TACC3: variants seen among roughly 807,000 people sequenced by gnomAD.
TACC3 encodes transforming acidic coiled-coil-containing protein 3.
In TACC3, 52 loss-of-function variants were observed where a neutral mutation model predicts 86.0. That is an observed-to-expected ratio of 0.60 (90% CI 0.48 to 0.76). TACC3 has a LOEUF of 0.76. Ranked by LOEUF, TACC3 falls within the 30% of genes least tolerant of loss-of-function variation. The probability of loss-of-function intolerance (pLI) is 0.00; values close to 1 mark genes in which losing one functional copy is unlikely to be tolerated. For missense variants in TACC3, 1,120 were observed against 1,070.4 expected, an observed-to-expected ratio of 1.05 and a Z score of -0.65; for synonymous variants, 512 against 430.0, an observed-to-expected ratio of 1.19 and a Z score of -2.36.
intron 3 of TACC3, among the ~76,000 whole-genome samples, chr4:1,727,486 G>A (rs192866144): frequency 6.8e-4 from 104 of 152,304 alleles, no homozygotes; most frequent in African/African-American, 2.3e-3. Flanking sequence ...AGGAAGTCAC[G>A]TGGTTGTGTC....
chr4:1,740,022 A>AGGCCACGTGCCTCCAC lies in TACC3; in HGVS notation c.2062+22_2062+37dup. 6.2e-7 allele frequency: 1 copy of AGGCCACGTGCCTCCAC among 1,612,682 alleles called. No homozygotes were observed. The highest frequency in any genetic ancestry group is 8.5e-7 in the Non-Finnish European group (1 of 1,179,848). On this transcript the variant is annotated intron_variant, in intron 12 of 15. Transcript: ENST00000313288. ...CCATGGGTGAGTGCCCGGGCCACCG[A>AGGCCACGTGCCTCCAC]GGCCACGTGCCTCCACGAGGGGCTG...
Position 1,731,331 on chromosome 4 carries a change from A to G in TACC3, c.1591+30A>G, listed in dbSNP as rs755349345. 11 of 1,610,444 alleles carry G rather than the reference A, an allele frequency of 6.8e-6. No individual in the cohort carries two copies. The South Asian group carries it at 1.1e-4, about 16-fold the overall frequency. On this transcript the variant is annotated intron_variant, in intron 6 of 15. Transcript: ENST00000313288. ...GTTGCCTGGCACAGACGTCACACAC[A>G]GTCTGCCCGGAGGGGATCCCGTGAG...
chr4:1,744,851 G>A lies in TACC3; in HGVS notation c.2451+19G>A. On this transcript the variant is annotated intron_variant, in intron 15 of 15. Transcript: ENST00000313288. ...GCAGAAGGTGGGTGCGGGAAGCCCA[G>A]CTCAAGGGGCCGTCTGGCAGCACCT... 1 of 1,612,922 alleles carries A rather than the reference G, an allele frequency of 6.2e-7. No homozygotes were observed. The highest frequency in any genetic ancestry group is 1.1e-5 in the South Asian group (1 of 91,080).
In TACC3 at chr4:1,737,248, G is replaced by A. The variant is rs371729680; in HGVS notation, c.1756G>A (p.Gly586Ser). Reference sequence around the variant, plus strand: ...GCCTCTGCTTGGTGGCAGCATGCACGGTGCAAATGAGACTCCCTCAGGACG... The same window carrying A: ...GCCTCTGCTTGGTGGCAGCATGCACAGTGCAAATGAGACTCCCTCAGGACG... ...PVATETSSMH[G>S]ANETPSGRPR... The change falls in exon 9 of 16, where the codon GGT (glycine) becomes AGT (serine). Residue 586 changes from glycine to serine, a missense_variant. Physicochemically the swap from Gly to Ser is moderately conservative, Grantham distance 56. Transcript: ENST00000313288. 1.5e-5 allele frequency: 24 copies of A among 1,613,892 alleles called. No homozygotes were observed. The highest frequency in any genetic ancestry group is 4.0e-5 in the African/African-American group (3 of 74,940).
chr4:1,727,937 G>A lies in TACC3; in HGVS notation c.535G>A (p.Glu179Lys). 1 of 1,613,874 alleles carries A rather than the reference G, an allele frequency of 6.2e-7. No individual in the cohort carries two copies. Among genetic ancestry groups the A allele is most frequent in the East Asian group, 2.2e-5 (1 of 44,878 alleles). Residue 179 changes from glutamate (E) to lysine (K), a missense_variant, in exon 4 of 16, where the codon GAG (glutamate) becomes AAG (lysine). By Grantham distance (56) the Glu-to-Lys change is moderately conservative. Transcript: ENST00000313288. ...TCCAGGAAAAGTGTCTGGCAGCCCT[G>A]AGCAAGCCGTGGAGGAAAACCTTAG... ...VSPGKVSGSP[E>K]QAVEENLSSY... is the part of the protein sequence containing the mutation.
chr4:1,720,748 C>A (rs1198479130), upstream of TACC3: 3 of 1,579,946 alleles, frequency 1.9e-6, no homozygotes, highest in Non-Finnish European at 1.7e-6. The surrounding 1 kb of genome is among the most constrained non-coding windows in gnomAD (Gnocchi z 4.4). Flanking sequence ...GCACCGTGAG[C>A]CCCGCCGCGT....
At position 1,726,627 on chromosome 4, in the gene TACC3, C is replaced by T. The variant is rs140569113; in HGVS notation, c.306-1081C>T. On this transcript the variant is annotated intron_variant, in intron 3 of 15. Coordinates refer to ENST00000313288, the MANE Select transcript of TACC3 (RefSeq NM_006342.3). ...TTCAGGGTCATTAAGTGGTGCACACCCTTCAGTGATTAGGAGAAACACAGG... is the reference window on the plus strand; with the variant it reads ...TTCAGGGTCATTAAGTGGTGCACACTCTTCAGTGATTAGGAGAAACACAGG... 5.9e-4 allele frequency among the ~76,000 whole-genome samples: 90 copies of T among 152,274 alleles called. 1 individual carries two copies. The East Asian group carries it at 0.016, about 27-fold the overall frequency.
rs370119526 is a variant in TACC3, at chr4:1,735,705, C to T, written c.1645-26C>T. 2 of 1,580,778 alleles carry T rather than the reference C, an allele frequency of 1.3e-6. No individual in the cohort carries two copies. Among genetic ancestry groups the T allele is most frequent in the Non-Finnish European group, 1.7e-6 (2 of 1,151,240 alleles). Reference sequence around the variant, plus strand: ...GTGTGTTAGGGGATGGCAGTCAGACCTGATCACTTGCCCTCTTGTCCCCAG... The same window carrying T: ...GTGTGTTAGGGGATGGCAGTCAGACTTGATCACTTGCCCTCTTGTCCCCAG... On this transcript the variant is annotated intron_variant, in intron 7 of 15. Transcript: ENST00000313288. The surrounding 1 kb of genome is among the most constrained non-coding windows in gnomAD (Gnocchi z 4.2).
chr4:1,721,078 G>A (rs979597507), upstream of TACC3: 2 of 284,738 alleles, frequency 7.0e-6, no homozygotes, highest in Non-Finnish European at 6.4e-6. Flanking sequence ...CCGCCCGCGG[G>A]GCACTCTAGG....
chr4:1,736,157 C>T (rs1718252300), intron 8 of TACC3, among the ~76,000 whole-genome samples: 1 of 152,220 alleles, frequency 6.6e-6, no homozygotes, highest in Admixed American at 6.5e-5. Context: ...GGCGCGGTGG[C>T]TTACGCCTGT....
chr4:1,740,213 A>C, intron 12 of TACC3: 1 of 601,278 alleles, frequency 1.7e-6, no homozygotes, highest in Non-Finnish European at 3.0e-6. Context: ...CCACGGAGCC[A>C]GGGCTTGGCA....
At chr4:1,734,579 T>G (rs1718162802) in intron 6 of TACC3, among the ~76,000 whole-genome samples, 1 of 152,180 alleles carries the variant, frequency 6.6e-6, no homozygotes, top group Non-Finnish European at 1.5e-5. Context: ...GTAGCAAGAC[T>G]CCTCCTCTAC....
intron 3 of TACC3, among the ~76,000 whole-genome samples, chr4:1,727,126 GTCTC>G: frequency 6.7e-6 from 1 of 149,968 alleles, no homozygotes. Context: ...GCAAAAATCC[GTCTC>G]AAAAAAAAAA....
In TACC3 at chr4:1,745,043, T is replaced by G. The variant is rs760414105; in HGVS notation, c.*30T>G. On this transcript the variant is annotated 3_prime_UTR_variant, in exon 16 of 16. Transcript: ENST00000313288. ...CACGGAGCCGCTGTCCCCGCCCCCC[T>G]GCTCCCGTCTGTCTGTCCTGTCTGA... 1.3e-6 allele frequency: 2 copies of G among 1,580,944 alleles called. No individual in the cohort carries two copies. The highest frequency in any genetic ancestry group is 1.7e-6 in the Non-Finnish European group (2 of 1,163,178).
chr4:1,728,580 A>C lies in TACC3; in HGVS notation c.1178A>C (p.Asp393Ala). The change falls in exon 4 of 16, where the codon GAC becomes GCC. Residue 393 changes from aspartate to alanine, a missense_variant. Physicochemically the swap from Asp to Ala is moderately radical, Grantham distance 126 (BLOSUM62 -2). Transcript: ENST00000313288. ...GACGGTAGGAGCGGAGCAGGAGAGG[A>C]CCCCCCCATGCCAGCTTCTCGGGGC... ...EDDGRSGAGE[D>A]PPMPASRGSY... The C allele has an allele frequency of 6.2e-7, 1 of 1,612,170 alleles. No individual in the cohort carries two copies. Among genetic ancestry groups the C allele is most frequent in the Non-Finnish European group, 8.5e-7 (1 of 1,179,438 alleles).
In TACC3 at chr4:1,745,085, G is replaced by C; in HGVS notation, c.*72G>C. The C allele has an allele frequency of 6.8e-7, 1 of 1,473,654 alleles. No homozygotes were observed. The highest frequency in any genetic ancestry group is 1.3e-5 in the South Asian group (1 of 79,214). The allele number at this position is 1,473,654 out of a possible 1,614,324, so 91.3% of individuals were successfully genotyped here. A position where few individuals can be genotyped will look rare whatever the true frequency, so the allele number is the denominator to read the frequency against. On this transcript the variant is annotated 3_prime_UTR_variant, in exon 16 of 16. Transcript: ENST00000313288. ...CCTGTCTGATTCTCTTAGGTGTCATGTTCTTTTTTCTGTCTTGTCTTCAAC... is the reference window on the plus strand; with the variant it reads ...CCTGTCTGATTCTCTTAGGTGTCATCTTCTTTTTTCTGTCTTGTCTTCAAC...
At chr4:1,721,374 G>A (rs1560285542), upstream of TACC3, 1 of 143,108 alleles carries the variant, frequency 7.0e-6, no homozygotes, top group Admixed American at 6.8e-5. Flanking sequence ...GCCCGAGCGG[G>A]GGGTGGGGGG....
intron 8 of TACC3, among the ~76,000 whole-genome samples, 196 bp from the exon 9 acceptor site, chr4:1,737,045 A>G (rs1718306775): frequency 6.6e-6 from 1 of 152,216 alleles, no homozygotes; most frequent in South Asian, 2.1e-4. Context: ...TGGGATGGGC[A>G]GGTGAGGGAG....
Position 1,735,865 on chromosome 4 carries a change from A to G in TACC3, c.1748+31A>G. The G allele has an allele frequency of 6.9e-7, 1 of 1,454,954 alleles. No individual in the cohort carries two copies. Among genetic ancestry groups the G allele is most frequent in the Non-Finnish European group, 9.5e-7 (1 of 1,055,828 alleles). 90.1% of individuals were successfully genotyped at this position (1,454,954 alleles called of 1,614,324 possible). A position where few individuals can be genotyped will look rare whatever the true frequency, so the allele number is the denominator to read the frequency against. On this transcript the variant is annotated intron_variant, in intron 8 of 15. Transcript: ENST00000313288. This position sits in a 1 kb window ranked among gnomAD's most constrained non-coding sequence, Gnocchi z 4.2. ...TGCGCCGGCCCTCCCTCATGCATGA[A>G]GCCTTGAGTGTGGGAAGACTGGAGG...
Sources: gnomAD v4.1 joint callset for allele counts (sites outside exome capture counted in the v4.1 genomes callset) on GRCh38, gnomAD v4.1.1 for gene constraint, Gnocchi (gnomAD v3.1) non-coding constraint, MANE v1.5 for transcripts, NCBI Gene and HGNC (gene_info 2026-07-23, HGNC 2026-07-21) for gene names.